SSBP2: variants seen among roughly 807,000 people sequenced by gnomAD.
SSBP2 encodes single-stranded DNA-binding protein 2.
In SSBP2, 17 loss-of-function variants were observed where a neutral mutation model predicts 61.8. The observed-to-expected ratio is 0.28, with a 90% confidence interval of 0.19 to 0.41. The LOEUF is 0.41. Among genes scored for constraint, SSBP2 ranks in the 10% least tolerant of loss-of-function variants. The pLI is 1.00. For synonymous variants in SSBP2, 139 were observed against 141.3 expected, an observed-to-expected ratio of 0.98 and a Z score of 0.12; for missense variants, 310 against 458.7, an observed-to-expected ratio of 0.68 and a Z score of 2.96.
intron 12 of SSBP2, among the ~76,000 whole-genome samples, chr5:81,443,851 C>T (rs537443419): frequency 7.0e-4 from 106 of 152,294 alleles, no homozygotes; most frequent in African/African-American, 2.1e-3. Flanking sequence ...CGTGAGCCAC[C>T]GCGCCCCGCC....
At chr5:81,659,545 C>T (rs986440003) in intron 1 of SSBP2, among the ~76,000 whole-genome samples, 1 of 152,106 alleles carries the variant, frequency 6.6e-6, no homozygotes, top group African/African-American at 2.4e-5. Flanking sequence ...ACATTCCATG[C>T]TTATGGCTAG....
rs181993951 is a variant in SSBP2 at position 81,617,709 on chromosome 5, C to T, written c.198-2152G>A. Among the ~76,000 whole-genome samples, 257 of 94,784 alleles carry T rather than the reference C, an allele frequency of 2.7e-3. 2 individuals carry two copies. The highest frequency in any genetic ancestry group is 3.7e-3 in the Non-Finnish European group (175 of 47,306). 62.2% of individuals were successfully genotyped at this position (94,784 alleles called of 152,430 possible). A position where few individuals can be genotyped will look rare whatever the true frequency, so the allele number is the denominator to read the frequency against. On this transcript the variant is annotated intron_variant, in intron 3 of 16. Transcript: ENST00000320672. ...GTTAAGGGCAGCCAGAGAGAACGGT[C>T]GGGTTACCCTCAAAGGAAAGCCCAT...
chr5:81,577,844 G>A (rs571447374), intron 4 of SSBP2, among the ~76,000 whole-genome samples: 1 of 151,990 alleles, frequency 6.6e-6, no homozygotes, highest in Admixed American at 6.6e-5. Flanking sequence ...TGAAAATAGT[G>A]GAAGCATTCG....
intron 6 of SSBP2, among the ~76,000 whole-genome samples, chr5:81,488,010 A>AATATAT (rs59039206): frequency 0.011 from 409 of 38,188 alleles, 4 homozygotes; most frequent in Admixed American, 0.017. Context: ...ATGGCCAAAT[A>AATATAT]ATATATATAT....
At chr5:81,688,858 A>G (rs1753008616) in intron 1 of SSBP2, among the ~76,000 whole-genome samples, 1 of 152,066 alleles carries the variant, frequency 6.6e-6, no homozygotes, top group African/African-American at 2.4e-5. Context: ...GGAAAACACA[A>G]CCTCAATAAA....
chr5:81,686,471 T>C (rs77127098), intron 1 of SSBP2, among the ~76,000 whole-genome samples: 1,525 of 152,182 alleles, frequency 0.01, 21 homozygotes, highest in African/African-American at 0.035. Flanking sequence ...TATATTAAGA[T>C]TTATTCTGAG....
chr5:81,723,298 T>C (rs1408597944), intron 1 of SSBP2, among the ~76,000 whole-genome samples: 2 of 152,030 alleles, frequency 1.3e-5, no homozygotes, highest in Non-Finnish European at 2.9e-5. Context: ...CTTGGTTCTC[T>C]GGAAGAGGAA....
intron 4 of SSBP2, among the ~76,000 whole-genome samples, chr5:81,597,890 G>A (rs1049583689): frequency 6.7e-6 from 1 of 150,296 alleles, no homozygotes; most frequent in Non-Finnish European, 1.5e-5. Context: ...ATAGCATTAG[G>A]AGGTATACCT....
chr5:81,437,324 A>T, intron 15 of SSBP2, 106 bp downstream of exon 15: 1 of 1,059,660 alleles, frequency 9.4e-7, no homozygotes, highest in South Asian at 1.4e-5. Context: ...TCTACTTTCA[A>T]ACTCTTGTTC....
At chr5:81,554,066 A>G (rs1222577932) in intron 4 of SSBP2, among the ~76,000 whole-genome samples, 1 of 152,158 alleles carries the variant, frequency 6.6e-6, no homozygotes, top group Admixed American at 6.5e-5. Context: ...TTTTAAAAAA[A>G]GAGAGTGCTT....
intron 1 of SSBP2, among the ~76,000 whole-genome samples, chr5:81,664,366 G>C (rs1380682284): frequency 6.6e-6 from 1 of 151,964 alleles, no homozygotes; most frequent in Non-Finnish European, 1.5e-5. Flanking sequence ...CTGACCTCAA[G>C]TGATCCGCCC....
intron 4 of SSBP2, among the ~76,000 whole-genome samples, chr5:81,579,784 G>A (rs1774505686): frequency 1.3e-5 from 2 of 152,072 alleles, no homozygotes; most frequent in Admixed American, 1.3e-4. Flanking sequence ...CCTAGTGAAT[G>A]AGTACTTTTG....
At chr5:81,546,865 A>G (rs1216982865) in intron 4 of SSBP2, among the ~76,000 whole-genome samples, 1 of 151,872 alleles carries the variant, frequency 6.6e-6, no homozygotes, top group Non-Finnish European at 1.5e-5. Flanking sequence ...TAAATATAAA[A>G]TGTTACAATA....
At chr5:81,584,404 T>C (rs1774910583) in intron 4 of SSBP2, among the ~76,000 whole-genome samples, 2 of 152,218 alleles carry the variant, frequency 1.3e-5, no homozygotes, top group Admixed American at 6.5e-5. Context: ...AATTTTTAAC[T>C]CTTATCAGTA....
intron 4 of SSBP2, among the ~76,000 whole-genome samples, chr5:81,564,658 T>C (rs778578060): frequency 4.6e-5 from 7 of 152,208 alleles, no homozygotes; most frequent in Non-Finnish European, 1.0e-4. Flanking sequence ...ACTGATGTTT[T>C]AGCTAAAAAT....
chr5:81,694,242 G>A (rs1753433985), intron 1 of SSBP2, among the ~76,000 whole-genome samples: 1 of 152,194 alleles, frequency 6.6e-6, no homozygotes, highest in African/African-American at 2.4e-5. Context: ...GAATGAATAA[G>A]ACCCAGCATT....
At chr5:81,462,613 T>C (rs915276900) in intron 9 of SSBP2, among the ~76,000 whole-genome samples, 6 of 152,204 alleles carry the variant, frequency 3.9e-5, no homozygotes, top group Non-Finnish European at 8.8e-5. Flanking sequence ...ATGATGATTT[T>C]ACAATTAATT....
At chr5:81,724,797 C>T (rs1755768347) in intron 1 of SSBP2, among the ~76,000 whole-genome samples, 1 of 151,998 alleles carries the variant, frequency 6.6e-6, no homozygotes, top group African/African-American at 2.4e-5. Context: ...GATGATTTAA[C>T]CACTTGAAAA....
chr5:81,419,652 T>C lies in SSBP2; in HGVS notation c.*852A>G, dbSNP rs927654346. 6.6e-6 allele frequency: 1 copy of C among 152,258 alleles called. No individual in the cohort carries two copies. The highest frequency in any genetic ancestry group is 2.4e-5 in the African/African-American group (1 of 41,468). The allele number at this position is 152,258 out of a possible 1,614,324, so 9.4% of individuals were successfully genotyped here. On this transcript the variant is annotated 3_prime_UTR_variant, in exon 17 of 17. Transcript: ENST00000320672. The stretch of plus-strand genomic sequence containing the variant: ...GACAACCCCGGTCACTTTATTGCTA[T>C]GGTCTAAATGATTTGGGCTATTTAA...
Sources: gnomAD v4.1 joint callset for allele counts (sites outside exome capture counted in the v4.1 genomes callset) on GRCh38, gnomAD v4.1.1 for gene constraint, MANE v1.5 for transcripts, NCBI Gene and HGNC (gene_info 2026-07-23, HGNC 2026-07-21) for gene names.